LSAMP: variants seen among roughly 807,000 people sequenced by gnomAD.
LSAMP encodes the protein limbic system-associated membrane protein.
Under a neutral mutation model 38.6 loss-of-function variants are expected in LSAMP, and 7 were observed. That is an observed-to-expected ratio of 0.18 (90% CI 0.10 to 0.34). The LOEUF (loss-of-function observed/expected upper bound fraction) is 0.34, where lower values mean the gene tolerates loss of function less well. LSAMP is among the 10% of genes least tolerant of loss of function. The pLI, the probability that LSAMP is intolerant of heterozygous loss-of-function variation, is 1.00. For missense variants in LSAMP, 313 were observed against 420.0 expected (o/e 0.75, Z 2.23); for synonymous variants, 154 against 166.8 (o/e 0.92, Z 0.59).
chr3:116,117,046 A>C (rs1171275068), intron 1 of LSAMP, among the ~76,000 whole-genome samples: 1 of 152,202 alleles, frequency 6.6e-6, no homozygotes, highest in Non-Finnish European at 1.5e-5. Context: ...ATATAACAAA[A>C]TGGTGGTTGT....
intron 1 of LSAMP, among the ~76,000 whole-genome samples, chr3:116,123,897 A>G (rs1013197461): frequency 1.3e-5 from 2 of 152,176 alleles, no homozygotes; most frequent in East Asian, 1.9e-4. Context: ...AAGAAACTAT[A>G]AGAATACAAC....
intron 3 of LSAMP, among the ~76,000 whole-genome samples, chr3:115,917,928 AT>A (rs1470818561): frequency 1.3e-5 from 2 of 152,214 alleles, no homozygotes; most frequent in Non-Finnish European, 2.9e-5. Flanking sequence ...ATTACATACT[AT>A]TATTTTCTGA....
chr3:116,049,566 C>T (rs1576332861), intron 2 of LSAMP, among the ~76,000 whole-genome samples: 1 of 152,086 alleles, frequency 6.6e-6, no homozygotes, highest in African/African-American at 2.4e-5. Flanking sequence ...ATGGTGGTTA[C>T]CTTTGCTGAC....
intron 3 of LSAMP, among the ~76,000 whole-genome samples, chr3:115,933,455 G>T (rs529818388): frequency 6.6e-6 from 1 of 152,292 alleles, no homozygotes; most frequent in East Asian, 1.9e-4. Flanking sequence ...TCAACTTAAT[G>T]CTGGATGAGT....
At chr3:116,079,761 G>T (rs1407763210) in intron 2 of LSAMP, among the ~76,000 whole-genome samples, 1 of 150,530 alleles carries the variant, frequency 6.6e-6, no homozygotes, top group Non-Finnish European at 1.5e-5. Flanking sequence ...GAAGAGTTTT[G>T]TCAAAAAAAA....
At chr3:115,912,225 G>A (rs1455995475) in intron 3 of LSAMP, among the ~76,000 whole-genome samples, 3 of 152,078 alleles carry the variant, frequency 2.0e-5, no homozygotes, top group Non-Finnish European at 4.4e-5. Context: ...AGGACACTTT[G>A]CCTAACCCTA....
At chr3:116,366,215 A>G (rs1305122652) in intron 1 of LSAMP, among the ~76,000 whole-genome samples, 1 of 152,044 alleles carries the variant, frequency 6.6e-6, no homozygotes, top group Admixed American at 6.6e-5. Flanking sequence ...AATAACATAA[A>G]CAGACACTTC....
At chr3:116,109,689 T>G (rs2107467771) in intron 1 of LSAMP, among the ~76,000 whole-genome samples, 1 of 151,938 alleles carries the variant, frequency 6.6e-6, no homozygotes, top group East Asian at 1.9e-4. Context: ...GGCATTTGGG[T>G]TTTAGGTCAG....
At chr3:116,148,963 C>G (rs1452864429) in intron 1 of LSAMP, among the ~76,000 whole-genome samples, 1 of 151,982 alleles carries the variant, frequency 6.6e-6, no homozygotes, top group African/African-American at 2.4e-5. Context: ...TAATAGGAGG[C>G]CCACTGCTAT....
chr3:115,882,461 G>C (rs547542453), intron 3 of LSAMP, among the ~76,000 whole-genome samples: 25 of 152,028 alleles, frequency 1.6e-4, no homozygotes, highest in African/African-American at 6.0e-4. Context: ...AATAATAAGT[G>C]GTTTTCTTGA....
At chr3:115,838,665 G>A (rs1023594329) in intron 6 of LSAMP, among the ~76,000 whole-genome samples, 11 of 152,168 alleles carry the variant, frequency 7.2e-5, no homozygotes, top group Non-Finnish European at 2.9e-5. Flanking sequence ...AATGTGTGGA[G>A]AACTAGATGA....
intron 2 of LSAMP, among the ~76,000 whole-genome samples, chr3:116,041,360 A>G (rs1041282418): frequency 6.6e-6 from 1 of 152,196 alleles, no homozygotes; most frequent in Non-Finnish European, 1.5e-5. Flanking sequence ...TTTATCAAAC[A>G]TGCTTGTCCA....
rs191818916 is a variant in LSAMP at position 115,929,115 on chromosome 3, G to T, written c.515-76498C>A. The stretch of plus-strand genomic sequence containing the variant: ...GGTGTCCCTAGAGCCTACCAGGAAA[G>T]CATCTTGGTCTTTTAGTGCATCAAA... On this transcript the variant is annotated intron_variant, in intron 3 of 6. Coordinates refer to ENST00000490035, the MANE Select transcript of LSAMP (RefSeq NM_002338.5). 2.0e-5 allele frequency among the ~76,000 whole-genome samples: 3 copies of T among 151,348 alleles called. No individual in the cohort carries two copies. The East Asian group carries it at 5.8e-4, about 29-fold the overall frequency.
chr3:115,896,596 T>C (rs1198571120), intron 3 of LSAMP, among the ~76,000 whole-genome samples: 1 of 151,908 alleles, frequency 6.6e-6, no homozygotes, highest in Non-Finnish European at 1.5e-5. Context: ...CTTGCTGGCT[T>C]TTATGAACTT....
rs368991485 is a variant in LSAMP at position 116,143,337 on chromosome 3, T to C, written c.156-56781A>G. On this transcript the variant is annotated intron_variant, in intron 1 of 6. Coordinates refer to ENST00000490035, the MANE Select transcript of LSAMP (RefSeq NM_002338.5). ...TAGAGTTGTTTATTTGACACTCTTA[T>C]GTTTTAAAATTTCTACTAAATGGGC... Among the ~76,000 whole-genome samples, 28 of 151,936 alleles carry C rather than the reference T, an allele frequency of 1.8e-4. No homozygotes were observed. The East Asian group carries it at 4.3e-3, about 23-fold the overall frequency.
chr3:115,991,669 GA>G, intron 3 of LSAMP, among the ~76,000 whole-genome samples: 1 of 152,134 alleles, frequency 6.6e-6, no homozygotes, highest in South Asian at 2.1e-4. Context: ...ATCTATCTGG[GA>G]AAAGAAAATG....
chr3:116,383,700 CA>C (rs1377819556), intron 1 of LSAMP, among the ~76,000 whole-genome samples: 1 of 151,382 alleles, frequency 6.6e-6, no homozygotes, highest in African/African-American at 2.5e-5. Flanking sequence ...TAGAAAATGA[CA>C]CACAGGATCT....
chr3:116,147,615 A>G (rs1021506186), intron 1 of LSAMP, among the ~76,000 whole-genome samples: 5 of 151,894 alleles, frequency 3.3e-5, no homozygotes, highest in Non-Finnish European at 7.4e-5. Flanking sequence ...CCTACATTTT[A>G]TGGTTAGAAC....
At chr3:116,239,636 G>A (rs549361174) in intron 1 of LSAMP, among the ~76,000 whole-genome samples, 82 of 152,170 alleles carry the variant, frequency 5.4e-4, no homozygotes, top group Non-Finnish European at 1.0e-3. Context: ...AATCAGGAAG[G>A]ACCAAACAGA....
Sources: allele counts gnomAD v4.1 joint callset (sites outside exome capture counted in the v4.1 genomes callset), GRCh38; gene constraint gnomAD v4.1.1; transcripts MANE v1.5; gene names NCBI Gene and HGNC (gene_info 2026-07-23, HGNC 2026-07-21).